Variants in RGS12 observed in about 807,000 individuals in gnomAD.
RGS12 encodes regulator of G protein signaling 12.
Under a neutral mutation model 120.1 loss-of-function variants are expected in RGS12, and 66 were observed. The ratio of observed to expected loss-of-function variants is 0.55; its 90% confidence interval spans 0.45 to 0.67. The LOEUF (loss-of-function observed/expected upper bound fraction) is 0.67, where lower values mean the gene tolerates loss of function less well. Among genes scored for constraint, RGS12 ranks in the 30% least tolerant of loss-of-function variants. The pLI is 0.00. For missense variants in RGS12, 1,859 were observed against 1,957.7 expected, an observed-to-expected ratio of 0.95 and a Z score of 0.95; for synonymous variants, 827 against 804.7, an observed-to-expected ratio of 1.03 and a Z score of -0.47.
At chr4:3,294,842 C>T (rs774497431) in intron 1 of RGS12, among the ~76,000 whole-genome samples, 2 of 152,132 alleles carry the variant, frequency 1.3e-5, no homozygotes, top group Admixed American at 6.6e-5. Flanking sequence ...CAGTGGTGAC[C>T]GGAGGTCTCA....
Position 3,416,094 on chromosome 4 carries a change from A to G in RGS12, c.2400A>G (p.Pro800=), listed in dbSNP as rs146573735. The G allele has an allele frequency of 1.7e-3, 2,678 of 1,614,072 alleles. 4 individuals are homozygous for G. The highest frequency in any genetic ancestry group is 2.2e-3 in the Non-Finnish European group (2,569 of 1,179,994). ...ACGACGTCCTCCGCGCACCTCACCCAGACATGTTCAAGGAGCAGCAGCTGC... is the reference window on the plus strand; with the variant it reads ...ACGACGTCCTCCGCGCACCTCACCCGGACATGTTCAAGGAGCAGCAGCTGC... ...LADDVLRAPH[P]DMFKEQQLQI... Residue 800 remains proline (P), a synonymous_variant, in exon 7 of 18, where the codon CCA becomes CCG. Coordinates refer to ENST00000336727, the MANE Select transcript of RGS12 (RefSeq NM_001394154.1).
chr4:3,385,033 G>C (rs1043726009), intron 3 of RGS12: 1 of 152,494 alleles, frequency 6.6e-6, no homozygotes, highest in Non-Finnish European at 1.5e-5. Context: ...AGGGCCACAC[G>C]GTAGGGGCAG....
Position 3,433,281 on chromosome 4 carries a change from C to G in RGS12, c.4114+2326C>G, listed in dbSNP as rs1340117474. 6.6e-6 allele frequency among the ~76,000 whole-genome samples: 1 copy of G among 152,202 alleles called. No homozygotes were observed. The highest frequency in any genetic ancestry group is 2.4e-5 in the African/African-American group (1 of 41,440). ...CCAGCGTCCGGGGTGAGAAACACAA[C>G]AGGAGGTGTAGCCAAGCCCACGGGC... On this transcript the variant is annotated intron_variant, in intron 17 of 17. Coordinates refer to ENST00000336727, the MANE Select transcript of RGS12 (RefSeq NM_001394154.1). This position sits in a 1 kb window ranked among gnomAD's most constrained non-coding sequence, Gnocchi z 4.4.
intron 2 of RGS12, chr4:3,342,515 C>T (rs1165533206): frequency 5.4e-6 from 7 of 1,290,952 alleles, no homozygotes; most frequent in African/African-American, 4.6e-5. Flanking sequence ...TGAAAAAGCA[C>T]GACTTTGCTG....
At chr4:3,363,635 G>A (rs1417414708) in intron 3 of RGS12, among the ~76,000 whole-genome samples, 1 of 151,960 alleles carries the variant, frequency 6.6e-6, no homozygotes, top group East Asian at 1.9e-4. Context: ...CGCTCACCCG[G>A]CGCACACTGC....
At chr4:3,381,092 G>A (rs373201696) in intron 3 of RGS12, among the ~76,000 whole-genome samples, 2 of 152,082 alleles carry the variant, frequency 1.3e-5, no homozygotes, top group Non-Finnish European at 2.9e-5. Context: ...TCAAAGTTCC[G>A]CAGATATCTA....
In RGS12 at chr4:3,422,578, G is replaced by A. The variant is rs772209218; in HGVS notation, c.3033+8G>A. 1.9e-6 allele frequency: 3 copies of A among 1,608,678 alleles called. No individual in the cohort carries two copies. The highest frequency in any genetic ancestry group is 2.5e-6 in the Non-Finnish European group (3 of 1,178,586). On this transcript the variant is annotated splice_region_variant and intron_variant, in intron 11 of 17. Coordinates refer to ENST00000336727, the MANE Select transcript of RGS12 (RefSeq NM_001394154.1). ...CTGGTGGGCGGGGACAAGGTACTGG[G>A]CCCGCCTGACCCTCGTGCTGCCCTC...
chr4:3,352,688 G>A (rs2108807649), intron 3 of RGS12, among the ~76,000 whole-genome samples: 1 of 152,302 alleles, frequency 6.6e-6, no homozygotes, highest in South Asian at 2.1e-4. Flanking sequence ...GGCTGGACAG[G>A]CAGTTGCTAG....
chr4:3,434,170 A>G (rs534121348), intron 17 of RGS12, among the ~76,000 whole-genome samples: 2 of 152,318 alleles, frequency 1.3e-5, no homozygotes, highest in South Asian at 4.1e-4. Flanking sequence ...TCATGGCAGA[A>G]GGCACCTCTT....
At chr4:3,377,189 A>G (rs1466105313) in intron 3 of RGS12, among the ~76,000 whole-genome samples, 2 of 152,008 alleles carry the variant, frequency 1.3e-5, no homozygotes, top group African/African-American at 4.8e-5. Flanking sequence ...CTCCTGCCTC[A>G]GCCCCCCAAG....
chr4:3,330,409 T>G (rs148709403), intron 2 of RGS12, among the ~76,000 whole-genome samples: 1 of 152,280 alleles, frequency 6.6e-6, no homozygotes, highest in African/African-American at 2.4e-5. Context: ...GTAACCCCAG[T>G]TAAAGTGAGA....
rs752449093 is a variant in RGS12 at position 3,410,122 on chromosome 4, A to G, written c.2021-3950A>G. On this transcript the variant is annotated intron_variant, in intron 4 of 17. Transcript: ENST00000336727. ...CTGGAGGAAAAATGTCATGGTGCTC[A>G]TAATGCAGAAACTTCATTCATGAGG... Among the ~76,000 whole-genome samples, 11 of 152,366 alleles carry G rather than the reference A, an allele frequency of 7.2e-5. No homozygotes were observed. The South Asian group carries it at 1.2e-3, about 17-fold the overall frequency.
chr4:3,311,746 C>G (rs897697123), intron 1 of RGS12, among the ~76,000 whole-genome samples: 5 of 152,284 alleles, frequency 3.3e-5, no homozygotes, highest in Admixed American at 6.5e-5. Context: ...GACCTGGGTC[C>G]TATCCAAACA....
intron 1 of RGS12, among the ~76,000 whole-genome samples, chr4:3,311,330 G>A (rs1724389546): frequency 6.6e-6 from 1 of 152,306 alleles, no homozygotes; most frequent in African/African-American, 2.4e-5. Context: ...GGTGCTGCCC[G>A]GCATGAGTGG....
At chr4:3,337,697 G>A (rs896880675) in intron 2 of RGS12, among the ~76,000 whole-genome samples, 5 of 152,244 alleles carry the variant, frequency 3.3e-5, no homozygotes, top group South Asian at 4.1e-4. Flanking sequence ...TGGGGGAGGG[G>A]AATGGAGAGT....
intron 1 of RGS12, among the ~76,000 whole-genome samples, chr4:3,308,049 C>A (rs1364542541): frequency 6.6e-6 from 1 of 152,216 alleles, no homozygotes; most frequent in Non-Finnish European, 1.5e-5. Flanking sequence ...TGGAGTGGTG[C>A]CTTGGTGAGC....
chr4:3,367,228 C>T lies in RGS12; in HGVS notation c.1999-19188C>T, dbSNP rs904604194. ...CCTCCAGGCTCACATGCCCACTTGC[C>T]GAGCTCACCACACGGGGGCTTCGCC... is the stretch of plus-strand genomic sequence containing the variant. On this transcript the variant is annotated intron_variant, in intron 3 of 17. Transcript: ENST00000336727. Among the ~76,000 whole-genome samples the T allele has an allele frequency of 4.5e-4, 69 of 152,260 alleles. 1 individual carries two copies. The highest frequency in any genetic ancestry group is 2.6e-4 in the Admixed American group (4 of 15,292).
chr4:3,309,938 G>A (rs1486234133), intron 1 of RGS12, among the ~76,000 whole-genome samples: 744 of 137,130 alleles, frequency 5.4e-3, no homozygotes, highest in African/African-American at 0.02. Flanking sequence ...AATGGCAGGT[G>A]TCCGCTGAGG....
At chr4:3,331,534 G>A (rs1230811154) in intron 2 of RGS12, among the ~76,000 whole-genome samples, 3 of 152,156 alleles carry the variant, frequency 2.0e-5, no homozygotes, top group Non-Finnish European at 2.9e-5. Context: ...TGGATTGCAG[G>A]CCAGGAGAGT....
Sources: gnomAD v4.1 joint callset for allele counts (sites outside exome capture counted in the v4.1 genomes callset) on GRCh38, gnomAD v4.1.1 for gene constraint, Gnocchi (gnomAD v3.1) non-coding constraint, MANE v1.5 for transcripts, NCBI Gene and HGNC (gene_info 2026-07-23, HGNC 2026-07-21) for gene names.